XKR4: variants seen among roughly 807,000 people sequenced by gnomAD.
XKR4 encodes XK related 4, also known as XK-related protein 4.
XKR4 carries 12 observed loss-of-function variants against 53.9 expected under a neutral mutation model. That is an observed-to-expected ratio of 0.22 (90% CI 0.14 to 0.36). The LOEUF (loss-of-function observed/expected upper bound fraction) is 0.36. Ranked by LOEUF, XKR4 falls within the 10% of genes least tolerant of loss-of-function variation. The pLI is 1.00. For synonymous variants in XKR4, 354 were observed against 362.4 expected (o/e 0.98, Z 0.26); for missense variants, 799 against 859.5 (o/e 0.93, Z 0.88).
At chr8:55,150,588 A>C (rs1424066439) in intron 1 of XKR4, among the ~76,000 whole-genome samples, 1 of 152,046 alleles carries the variant, frequency 6.6e-6, no homozygotes, top group Non-Finnish European at 1.5e-5. Context: ...CTATAACTGC[A>C]CCTGTCCGTC....
At chr8:55,330,308 A>G (rs1243111938) in intron 1 of XKR4, among the ~76,000 whole-genome samples, 12 of 152,134 alleles carry the variant, frequency 7.9e-5, no homozygotes, top group Non-Finnish European at 1.5e-4. Context: ...CAGTGACCCA[A>G]TCTCACTAAG....
In XKR4 at chr8:55,519,017, G is replaced by T. The variant is rs548104812; in HGVS notation, c.1007-4264G>T. ...AGGAGATGGAATCCAGAGAAAGGCA[G>T]GTTAACTGTTAGCGCCCTTGTTTAG... On this transcript the variant is annotated intron_variant, in intron 2 of 2. Transcript: ENST00000327381. Among the ~76,000 whole-genome samples the T allele has an allele frequency of 1.5e-4, 23 of 152,264 alleles. No individual in the cohort carries two copies. The South Asian group carries it at 4.6e-3, about 30-fold the overall frequency.
intron 1 of XKR4, among the ~76,000 whole-genome samples, chr8:55,162,383 A>G (rs1002333739): frequency 6.6e-6 from 1 of 152,232 alleles, no homozygotes; most frequent in African/African-American, 2.4e-5. Flanking sequence ...GATCTTTGCC[A>G]TGAGATAGAC....
intron 1 of XKR4, among the ~76,000 whole-genome samples, chr8:55,195,289 TA>T (rs1817490842): frequency 7.1e-6 from 1 of 141,800 alleles, no homozygotes; most frequent in Admixed American, 7.1e-5. Context: ...TGTACACTAA[TA>T]ATAATATAAC....
intron 1 of XKR4, among the ~76,000 whole-genome samples, chr8:55,324,383 C>T (rs368851612): frequency 2.0e-5 from 3 of 152,178 alleles, no homozygotes; most frequent in African/African-American, 7.2e-5. Flanking sequence ...TGTGAGCCAC[C>T]GCACCCAGCA....
rs116940801 is a variant in XKR4 at position 55,411,898 on chromosome 8, T to C, written c.1006+54021T>C. Among the ~76,000 whole-genome samples, 14 of 152,278 alleles carry C rather than the reference T, an allele frequency of 9.2e-5. No individual in the cohort carries two copies. The East Asian group carries it at 2.7e-3, about 29-fold the overall frequency. On this transcript the variant is annotated intron_variant, in intron 2 of 2. Transcript: ENST00000327381. Reference sequence around the variant, plus strand: ...AGAAATCCTGTCAGCTAAAGACAACTAAGTGCTTTCCTGAAAAAGAAAAGC... The same window carrying C: ...AGAAATCCTGTCAGCTAAAGACAACCAAGTGCTTTCCTGAAAAAGAAAAGC...
chr8:55,226,652 CT>C (rs68151515), intron 1 of XKR4, among the ~76,000 whole-genome samples: 23,262 of 152,068 alleles, frequency 0.15, 2,150 homozygotes, highest in Non-Finnish European at 0.21. Context: ...GTCCTACTTT[CT>C]AAACACCTCC....
At chr8:55,454,548 G>A (rs1195891913) in intron 2 of XKR4, 3 of 1,428,874 alleles carry the variant, frequency 2.1e-6, no homozygotes, top group Non-Finnish European at 1.9e-6. Context: ...TGCAGCTGCT[G>A]ATGGGCAGGG....
Position 55,523,582 on chromosome 8 carries a change from G to A in XKR4, c.1308G>A (p.Val436=). 1 of 1,614,200 alleles carries A rather than the reference G, an allele frequency of 6.2e-7. No individual in the cohort carries two copies. Among genetic ancestry groups the A allele is most frequent in the Non-Finnish European group, 8.5e-7 (1 of 1,180,042 alleles). The change falls in exon 3 of 3, where the codon GTG becomes GTA. Residue 436 remains valine, a synonymous_variant. Coordinates refer to ENST00000327381, the MANE Select transcript of XKR4 (RefSeq NM_052898.2). The part of the protein sequence containing the change: ...TKWEEIVFDM[V]VGIIYIFSWF... ...GGGAAGAGATTGTGTTCGACATGGT[G>A]GTGGGGATTATCTATATCTTCAGTT...
At chr8:55,171,569 G>A (rs1041904044) in intron 1 of XKR4, among the ~76,000 whole-genome samples, 1 of 152,120 alleles carries the variant, frequency 6.6e-6, no homozygotes, top group East Asian at 1.9e-4. Flanking sequence ...ATGGGACTTG[G>A]TTCCTCGTCT....
chr8:55,116,247 T>C (rs906767641), intron 1 of XKR4, among the ~76,000 whole-genome samples: 2 of 151,804 alleles, frequency 1.3e-5, no homozygotes, highest in African/African-American at 4.8e-5. Flanking sequence ...AGAGCCTCTG[T>C]ATCTACACGG....
At chr8:55,411,359 G>A (rs1005678519) in intron 2 of XKR4, among the ~76,000 whole-genome samples, 5 of 152,280 alleles carry the variant, frequency 3.3e-5, no homozygotes, top group South Asian at 2.1e-4. Context: ...GTAGCACAGA[G>A]CCTGGCACAT....
chr8:55,410,336 C>T (rs765706695), intron 2 of XKR4, among the ~76,000 whole-genome samples: 20 of 152,218 alleles, frequency 1.3e-4, no homozygotes, highest in Admixed American at 2.0e-4. Context: ...CATGCTTGGA[C>T]TGCAGCCCTG....
chr8:55,237,194 G>T (rs1818138672), intron 1 of XKR4, among the ~76,000 whole-genome samples: 1 of 152,142 alleles, frequency 6.6e-6, no homozygotes, highest in Admixed American at 6.5e-5. Flanking sequence ...AGGTGAGTGG[G>T]TGCAACAGAG....
chr8:55,455,226 G>A (rs1805547999), intron 2 of XKR4: 2 of 323,932 alleles, frequency 6.2e-6, no homozygotes, highest in Middle Eastern at 1.0e-3. Context: ...CCGCACACCC[G>A]GGACACCCCG....
intron 1 of XKR4, among the ~76,000 whole-genome samples, chr8:55,135,863 T>C (rs949435991): frequency 6.6e-6 from 1 of 150,940 alleles, no homozygotes; most frequent in Non-Finnish European, 1.5e-5. Context: ...TTTCTTTTTC[T>C]CTGAGATTTC....
intron 2 of XKR4, among the ~76,000 whole-genome samples, chr8:55,518,385 TC>T (rs1320837262): frequency 3.3e-5 from 5 of 152,206 alleles, no homozygotes; most frequent in African/African-American, 1.2e-4. Context: ...CTTCCGTCCT[TC>T]CTTCTTTTCC....
rs575753036 is a variant in XKR4, at chr8:55,528,869, G to C, written c.*4642G>C. 6.6e-6 allele frequency: 1 copy of C among 151,852 alleles called. No individual in the cohort carries two copies. Among genetic ancestry groups the C allele is most frequent in the Admixed American group, 6.6e-5 (1 of 15,236 alleles). The allele number at this position is 151,852 out of a possible 1,614,324, so 9.4% of individuals were successfully genotyped here. On this transcript the variant is annotated 3_prime_UTR_variant, in exon 3 of 3. Coordinates refer to ENST00000327381, the MANE Select transcript of XKR4 (RefSeq NM_052898.2). ...AAAATGGCCAAGGATGGGCGATTCCGCTCTATCCCCCATTTCTGAGACTCT... is the reference window on the plus strand; with the variant it reads ...AAAATGGCCAAGGATGGGCGATTCCCCTCTATCCCCCATTTCTGAGACTCT...
chr8:55,116,256 G>T (rs760692481), intron 1 of XKR4, among the ~76,000 whole-genome samples: 2 of 152,106 alleles, frequency 1.3e-5, no homozygotes, highest in African/African-American at 4.8e-5. Context: ...GTATCTACAC[G>T]GAGAAAGAAC....
Sources: gnomAD v4.1 joint callset for allele counts (sites outside exome capture counted in the v4.1 genomes callset) on GRCh38, gnomAD v4.1.1 for gene constraint, MANE v1.5 for transcripts, NCBI Gene and HGNC (gene_info 2026-07-23, HGNC 2026-07-21) for gene names.